The following SV2B variants were observed in gnomAD, a reference collection of about 807,000 sequenced individuals.
The protein encoded by SV2B is solute carrier family 22 member B2.
A neutral mutation model predicts 73.9 loss-of-function variants in SV2B; 41 were observed. That is an observed-to-expected ratio of 0.56 (90% CI 0.43 to 0.72). The LOEUF is 0.72. Ranked by LOEUF, SV2B falls within the 30% of genes least tolerant of loss-of-function variation. SV2B has a pLI of 0.00. For missense variants in SV2B, 764 were observed against 857.8 expected (o/e 0.89, Z 1.37); for synonymous variants, 314 against 314.2 (o/e 1.00, Z 0.01).
intron 1 of SV2B, among the ~76,000 whole-genome samples, chr15:91,148,772 C>G (rs2043222116): frequency 6.6e-6 from 1 of 152,086 alleles, no homozygotes; most frequent in Admixed American, 6.6e-5. Context: ...AGTCTGAGTC[C>G]ACATCTGAAG....
At chr15:91,104,851 C>T (rs2041836573) in intron 1 of SV2B, among the ~76,000 whole-genome samples, 1 of 152,154 alleles carries the variant, frequency 6.6e-6, no homozygotes, top group African/African-American at 2.4e-5. Context: ...AGGCTGGTCT[C>T]AAACTCCTGA....
At chr15:91,147,527 G>A (rs568710872) in intron 1 of SV2B, among the ~76,000 whole-genome samples, 7 of 152,102 alleles carry the variant, frequency 4.6e-5, no homozygotes, top group Non-Finnish European at 8.8e-5. Flanking sequence ...CCCAGCCCAG[G>A]GGAATCTCTT....
chr15:91,282,415 T>A (rs11854895), intron 10 of SV2B, among the ~76,000 whole-genome samples: 50,437 of 152,140 alleles, frequency 0.33, 12,388 homozygotes, highest in African/African-American at 0.7. Flanking sequence ...CCACTACACC[T>A]CTTCTTGTTA....
chr15:91,124,594 GC>G lies in SV2B; in HGVS notation c.-392+24232del, dbSNP rs1319181381. On this transcript the variant is annotated intron_variant, in intron 1 of 12. Transcript: ENST00000394232. This position sits in a 1 kb window ranked among gnomAD's most constrained non-coding sequence, Gnocchi z 4.6. ...AAAAGAAGACTATTCATTTGCTGGG[GC>G]TGCTATAACAAAACACCATGGAACG... Among the ~76,000 whole-genome samples, 7 of 152,112 alleles carry G rather than the reference GC, an allele frequency of 4.6e-5. No homozygotes were observed. Among genetic ancestry groups the G allele is most frequent in the South Asian group, 2.1e-4 (1 of 4,824 alleles).
At position 91,264,555 on chromosome 15, in the gene SV2B, T is replaced by G. The variant is rs75600097; in HGVS notation, c.1009-2027T>G. 4.9e-3 allele frequency among the ~76,000 whole-genome samples: 739 copies of G among 152,274 alleles called. 6 individuals are homozygous for G. Among genetic ancestry groups the G allele is most frequent in the African/African-American group, 0.016 (656 of 41,564 alleles). ...TCAGCCAACTGGGATTGGCTGAGCT[T>G]GTTTCATTTTCTTTAAAGTTCTGAG... On this transcript the variant is annotated intron_variant, in intron 6 of 12. Transcript: ENST00000394232.
chr15:91,260,485 G>A (rs1277865840), intron 6 of SV2B, 76 bp downstream of exon 6: 3 of 1,161,064 alleles, frequency 2.6e-6, no homozygotes, highest in Non-Finnish European at 3.6e-6. Flanking sequence ...AGTAATTTAA[G>A]CACATAACAG....
intron 9 of SV2B, among the ~76,000 whole-genome samples, chr15:91,270,914 G>T (rs2048282992): frequency 1.4e-5 from 2 of 142,978 alleles, no homozygotes; most frequent in Non-Finnish European, 1.5e-5. Flanking sequence ...TGAGTCCTGT[G>T]GACGATGGGA....
At chr15:91,251,760 T>C in intron 2 of SV2B, 59 bp from the exon 3 acceptor site, 2 of 1,511,332 alleles carry the variant, frequency 1.3e-6, no homozygotes, top group Non-Finnish European at 9.0e-7. Flanking sequence ...GTAAACATTG[T>C]ATAGTCTTAA....
intron 1 of SV2B, among the ~76,000 whole-genome samples, chr15:91,102,653 T>G (rs1448064346): frequency 6.6e-6 from 1 of 152,070 alleles, no homozygotes; most frequent in Non-Finnish European, 1.5e-5. Context: ...GACAAATAAA[T>G]AAGTATAGAG....
At chr15:91,182,113 A>G (rs897227165) in intron 1 of SV2B, among the ~76,000 whole-genome samples, 1 of 152,202 alleles carries the variant, frequency 6.6e-6, no homozygotes, top group Non-Finnish European at 1.5e-5. Context: ...AAGTAAAAAA[A>G]CATACTAGCA....
chr15:91,196,734 T>C (rs1422780958), intron 1 of SV2B, among the ~76,000 whole-genome samples: 1 of 152,192 alleles, frequency 6.6e-6, no homozygotes, highest in Non-Finnish European at 1.5e-5. Context: ...GTGAAGCAAA[T>C]TTTTTGCTTG....
Position 91,296,740 on chromosome 15 carries a change from G to T in SV2B, c.*4188G>T. The T allele has an allele frequency of 6.6e-6, 1 of 152,330 alleles. No individual in the cohort carries two copies. Among genetic ancestry groups the T allele is most frequent in the African/African-American group, 2.5e-5 (1 of 40,578 alleles). 9.4% of individuals were successfully genotyped at this position (152,330 alleles called of 1,614,324 possible). On this transcript the variant is annotated 3_prime_UTR_variant, in exon 13 of 13. Coordinates refer to ENST00000394232, the MANE Select transcript of SV2B (RefSeq NM_001323032.3). ...CACACGCTCCTTCTGCCCGATCATG[G>T]GCACACGCTCCTTCTGCCCGATCGT...
At chr15:91,204,221 A>C (rs2045559053) in intron 1 of SV2B, among the ~76,000 whole-genome samples, 1 of 152,166 alleles carries the variant, frequency 6.6e-6, no homozygotes, top group African/African-American at 2.4e-5. Flanking sequence ...TCTGTTAGCC[A>C]CAGGGAGTCT....
chr15:91,169,008 C>A (rs934816415), intron 1 of SV2B, among the ~76,000 whole-genome samples: 1 of 152,178 alleles, frequency 6.6e-6, no homozygotes, highest in African/African-American at 2.4e-5. Flanking sequence ...AGTCCAGGGG[C>A]AGATGATTTA....
At chr15:91,188,483 T>G (rs2044867174) in intron 1 of SV2B, among the ~76,000 whole-genome samples, 1 of 151,652 alleles carries the variant, frequency 6.6e-6, no homozygotes, top group Non-Finnish European at 1.5e-5. Context: ...CTGGCTAATT[T>G]TTTTTGTATT....
chr15:91,291,127 C>T (rs2049026691), intron 12 of SV2B, among the ~76,000 whole-genome samples: 1 of 148,218 alleles, frequency 6.7e-6, no homozygotes, highest in Non-Finnish European at 1.5e-5. Flanking sequence ...ATTTAAAAGA[C>T]AAGATATACC....
chr15:91,116,855 A>G (rs186869471), intron 1 of SV2B, among the ~76,000 whole-genome samples: 40 of 152,352 alleles, frequency 2.6e-4, no homozygotes, highest in Admixed American at 1.1e-3. Context: ...GGGCAAAGGC[A>G]TGTCTTACAT....
At chr15:91,199,404 T>C (rs147733102) in intron 1 of SV2B, among the ~76,000 whole-genome samples, 71 of 152,216 alleles carry the variant, frequency 4.7e-4, no homozygotes, top group African/African-American at 1.7e-3. Flanking sequence ...TTGGTGGTGA[T>C]AATGGGGGGA....
At chr15:91,167,812 T>C (rs1190447883) in intron 1 of SV2B, among the ~76,000 whole-genome samples, 1 of 152,220 alleles carries the variant, frequency 6.6e-6, no homozygotes, top group Non-Finnish European at 1.5e-5. Context: ...TTTTGATTAT[T>C]ATGTTACAAG....
Sources: gnomAD v4.1 joint callset for allele counts (sites outside exome capture counted in the v4.1 genomes callset) on GRCh38, gnomAD v4.1.1 for gene constraint, Gnocchi (gnomAD v3.1) non-coding constraint, MANE v1.5 for transcripts, NCBI Gene and HGNC (gene_info 2026-07-23, HGNC 2026-07-21) for gene names.